NCALD: variants seen among roughly 807,000 people sequenced by gnomAD.
The protein encoded by NCALD is neurocalcin delta, also known as neurocalcin-delta.
NCALD carries 10 observed loss-of-function variants against 18.6 expected under a neutral mutation model. The ratio of observed to expected loss-of-function variants is 0.54; its 90% CI spans 0.33 to 0.91. The LOEUF is 0.91. NCALD is among the 40% of genes least tolerant of loss of function. NCALD has a pLI of 0.03. For missense variants in NCALD, 184 were observed against 247.6 expected, an observed-to-expected ratio of 0.74 and a Z score of 1.72; for synonymous variants, 88 against 87.4, an observed-to-expected ratio of 1.01 and a Z score of -0.04.
At chr8:101,708,881 A>C (rs923090733) in intron 2 of NCALD, among the ~76,000 whole-genome samples, 1 of 152,212 alleles carries the variant, frequency 6.6e-6, no homozygotes, top group Non-Finnish European at 1.5e-5. Flanking sequence ...GCTGCTCAAG[A>C]ATAGAAAATT....
chr8:102,012,409 G>A (rs984265473), intron 2 of NCALD, among the ~76,000 whole-genome samples: 1 of 152,182 alleles, frequency 6.6e-6, no homozygotes, highest in Admixed American at 6.5e-5. Context: ...TCCAACTCCC[G>A]GGCTGAGCCT....
chr8:102,115,880 C>T (rs1346028146), intron 1 of NCALD, among the ~76,000 whole-genome samples: 1 of 152,170 alleles, frequency 6.6e-6, no homozygotes, highest in Admixed American at 6.5e-5. Context: ...TCCTTCAATG[C>T]CATCCAGCAA....
chr8:102,058,081 C>T (rs1454467284), intron 1 of NCALD, among the ~76,000 whole-genome samples: 4 of 152,112 alleles, frequency 2.6e-5, no homozygotes, highest in Non-Finnish European at 5.9e-5. Context: ...CTTAAAACAG[C>T]CAGCAAGGTC....
At chr8:101,697,064 GA>G (rs1242864487) in intron 2 of NCALD, among the ~76,000 whole-genome samples, 2 of 151,106 alleles carry the variant, frequency 1.3e-5, no homozygotes, top group Non-Finnish European at 3.0e-5. Context: ...TAATAAAGAA[GA>G]AAAGAGAGAA....
At chr8:101,935,783 CTTTTTTTTTT>C (rs35929551) in intron 2 of NCALD, among the ~76,000 whole-genome samples, 1 of 103,478 alleles carries the variant, frequency 9.7e-6, no homozygotes, top group East Asian at 2.9e-4. Context: ...TCAAGAGATT[CTTTTTTTTTT>C]TTTTTTTTTT....
At chr8:101,826,096 G>C (rs1177974763) in intron 4 of NCALD, among the ~76,000 whole-genome samples, 1 of 152,144 alleles carries the variant, frequency 6.6e-6, no homozygotes, top group Non-Finnish European at 1.5e-5. Flanking sequence ...AAAGCACTGA[G>C]TCACAGTGAT....
chr8:101,840,950 A>T (rs1814619730), intron 4 of NCALD, among the ~76,000 whole-genome samples: 1 of 152,188 alleles, frequency 6.6e-6, no homozygotes, highest in Non-Finnish European at 1.5e-5. Context: ...ATATCTTTTA[A>T]ATATTAAAAA....
intron 2 of NCALD, among the ~76,000 whole-genome samples, chr8:102,000,320 C>A (rs1821404057): frequency 6.6e-6 from 1 of 152,106 alleles, no homozygotes; most frequent in East Asian, 1.9e-4. Context: ...GGCAGCGAGG[C>A]TGGGGGAGGG....
chr8:101,776,168 A>T (rs1180166169), intron 1 of NCALD, among the ~76,000 whole-genome samples: 1 of 152,198 alleles, frequency 6.6e-6, no homozygotes, highest in Non-Finnish European at 1.5e-5. Context: ...TCCCAAAGAC[A>T]AGAGATGAAT....
intron 4 of NCALD, among the ~76,000 whole-genome samples, chr8:101,822,955 T>G (rs568458651): frequency 6.6e-6 from 1 of 152,358 alleles, no homozygotes; most frequent in African/African-American, 2.4e-5. Flanking sequence ...GAGTAGACCC[T>G]TACTGATGCA....
chr8:101,899,585 G>A (rs1012416829), intron 3 of NCALD, among the ~76,000 whole-genome samples: 1 of 151,802 alleles, frequency 6.6e-6, no homozygotes. Context: ...CTAAGTTTTT[G>A]CCATGAATGT....
At chr8:101,791,751 G>A (rs1812454349), upstream of NCALD, among the ~76,000 whole-genome samples, 1 of 152,088 alleles carries the variant, frequency 6.6e-6, no homozygotes, top group Non-Finnish European at 1.5e-5. Context: ...GTGCTTTGGG[G>A]CCATACGGGT....
At chr8:101,750,115 G>C (rs1168185073) in intron 1 of NCALD, 1 of 152,176 alleles carries the variant, frequency 6.6e-6, no homozygotes, top group Admixed American at 6.6e-5. Flanking sequence ...TGAGCAAAAG[G>C]GGTAAAAGCC....
intron 3 of NCALD, among the ~76,000 whole-genome samples, chr8:101,891,967 A>G (rs887007077): frequency 2.2e-4 from 34 of 152,214 alleles, no homozygotes; most frequent in Non-Finnish European, 3.8e-4. Context: ...GGCTTGCTTA[A>G]GTAAACAAAG....
intron 1 of NCALD, among the ~76,000 whole-genome samples, chr8:102,081,562 AAAAAAAAAAAAAAAC>A (rs1161596931): frequency 0.082 from 11,747 of 143,264 alleles, 545 homozygotes; most frequent in Middle Eastern, 0.11. Flanking sequence ...AAAAAAAAAA[AAAAAAAAAAAAAAAC>A]CCCAAAAAAA....
chr8:101,938,894 T>C (rs1265812609), intron 2 of NCALD, among the ~76,000 whole-genome samples: 2 of 152,224 alleles, frequency 1.3e-5, no homozygotes, highest in Admixed American at 1.3e-4. Context: ...CGTTTGGAAA[T>C]CAAACAATTA....
intron 1 of NCALD, among the ~76,000 whole-genome samples, chr8:102,116,066 C>G (rs1481231902): frequency 2.0e-5 from 3 of 146,494 alleles, no homozygotes; most frequent in African/African-American, 7.6e-5. Context: ...TAGAAAACCT[C>G]TACTGTGTCA....
At chr8:101,839,632 C>G (rs1017916046) in intron 4 of NCALD, among the ~76,000 whole-genome samples, 1 of 152,184 alleles carries the variant, frequency 6.6e-6, no homozygotes, top group Non-Finnish European at 1.5e-5. Context: ...CCCTGGCCTT[C>G]TATATTGCTA....
chr8:101,849,326 G>A (rs749281266), intron 4 of NCALD, among the ~76,000 whole-genome samples: 1 of 152,026 alleles, frequency 6.6e-6, no homozygotes, highest in Non-Finnish European at 1.5e-5. Flanking sequence ...TAACAAACCT[G>A]CACATCCTGC....
Sources: gnomAD v4.1 joint callset for allele counts (sites outside exome capture counted in the v4.1 genomes callset) on GRCh38, gnomAD v4.1.1 for gene constraint, MANE v1.5 for transcripts, NCBI Gene and HGNC (gene_info 2026-07-23, HGNC 2026-07-21) for gene names.